The following CDH11 variants were observed in gnomAD, a reference collection of about 807,000 sequenced individuals.
CDH11 encodes the protein cadherin-11.
In CDH11, 11 loss-of-function variants were observed where a neutral mutation model predicts 67.8. The ratio of observed to expected loss-of-function variants is 0.16; its 90% CI spans 0.10 to 0.27. The LOEUF (loss-of-function observed/expected upper bound fraction) is 0.27. CDH11 is among the 10% of genes least tolerant of loss of function. The probability of loss-of-function intolerance (pLI) is 1.00; values close to 1 mark genes in which losing one functional copy is unlikely to be tolerated. For synonymous variants in CDH11, 419 were observed against 400.0 expected (o/e 1.05, Z -0.57); for missense variants, 847 against 1,031.2 (o/e 0.82, Z 2.45).
chr16:65,048,791 TAC>T (rs1224763572), intron 2 of CDH11, among the ~76,000 whole-genome samples: 3 of 151,952 alleles, frequency 2.0e-5, no homozygotes, highest in African/African-American at 7.3e-5. Context: ...AATATATATA[TAC>T]ACACACACAA....
At chr16:65,054,124 C>T (rs993307685) in intron 1 of CDH11, among the ~76,000 whole-genome samples, 196 bp from the exon 2 acceptor site, 1 of 152,120 alleles carries the variant, frequency 6.6e-6, no homozygotes, top group African/African-American at 2.4e-5. Context: ...TAAGTACCAC[C>T]GGATAGTGTG....
At chr16:64,999,077 T>TA in intron 3 of CDH11, among the ~76,000 whole-genome samples, 1 of 152,302 alleles carries the variant, frequency 6.6e-6, no homozygotes, top group South Asian at 2.1e-4. Context: ...AATATATATA[T>TA]TTTTAATTCT....
chr16:65,110,507 G>T (rs1025683995), intron 1 of CDH11, among the ~76,000 whole-genome samples: 1 of 152,060 alleles, frequency 6.6e-6, no homozygotes, highest in Non-Finnish European at 1.5e-5. Flanking sequence ...AGGCACCACG[G>T]TTGTCCCCGC....
intron 8 of CDH11, among the ~76,000 whole-genome samples, chr16:64,975,822 C>G (rs953426327): frequency 6.6e-6 from 1 of 152,008 alleles, no homozygotes; most frequent in African/African-American, 2.4e-5. Context: ...TAACCATTAA[C>G]TAACCTACAC....
chr16:64,970,993 T>G (rs966374492), intron 11 of CDH11, among the ~76,000 whole-genome samples: 6 of 152,252 alleles, frequency 3.9e-5, no homozygotes, highest in African/African-American at 1.4e-4. Flanking sequence ...TCTAATAATC[T>G]GCAAGTCTAG....
intron 2 of CDH11, among the ~76,000 whole-genome samples, chr16:65,035,356 C>T (rs1053378147): frequency 2.0e-5 from 3 of 152,146 alleles, no homozygotes; most frequent in African/African-American, 7.2e-5. Context: ...TAATTCAGCT[C>T]AAAGTAAGTT....
intron 1 of CDH11, among the ~76,000 whole-genome samples, chr16:65,120,320 A>C (rs139316469): frequency 3.7e-4 from 57 of 152,252 alleles, no homozygotes; most frequent in Middle Eastern, 3.4e-3. Context: ...CCCCATCCCC[A>C]GGAAATCCAG....
intron 2 of CDH11, among the ~76,000 whole-genome samples, chr16:65,048,293 T>C (rs1026366799): frequency 6.6e-6 from 1 of 152,174 alleles, no homozygotes; most frequent in South Asian, 2.1e-4. Context: ...ACACTGTTAG[T>C]ATGAATTCAA....
intron 6 of CDH11, among the ~76,000 whole-genome samples, chr16:64,988,799 T>C (rs963305919): frequency 2.0e-5 from 3 of 152,130 alleles, no homozygotes; most frequent in Admixed American, 1.3e-4. Context: ...AACAGCTCCA[T>C]AGTTACTTTA....
chr16:65,085,005 G>T (rs780928245), intron 1 of CDH11, among the ~76,000 whole-genome samples: 1 of 152,242 alleles, frequency 6.6e-6, no homozygotes, highest in Admixed American at 6.5e-5. Flanking sequence ...CACCTCCCAG[G>T]TTCAAGCAAT....
chr16:65,032,084 A>T (rs1044694443), intron 2 of CDH11, among the ~76,000 whole-genome samples: 17 of 152,190 alleles, frequency 1.1e-4, no homozygotes, highest in African/African-American at 4.1e-4. Context: ...GAATAAAGGC[A>T]AAGGAAAATA....
At chr16:65,012,171 A>T (rs896355665) in intron 2 of CDH11, among the ~76,000 whole-genome samples, 7 of 152,238 alleles carry the variant, frequency 4.6e-5, no homozygotes, top group Non-Finnish European at 7.3e-5. Flanking sequence ...ACTTCTACAG[A>T]CAAATTTGTA....
At chr16:65,032,276 C>T (rs2073658042) in intron 2 of CDH11, among the ~76,000 whole-genome samples, 1 of 147,390 alleles carries the variant, frequency 6.8e-6, no homozygotes, top group Non-Finnish European at 1.5e-5. Context: ...TGCTTGAACT[C>T]AGGAGTTCGA....
chr16:65,061,991 T>G (rs2074241913), intron 1 of CDH11, among the ~76,000 whole-genome samples: 1 of 152,182 alleles, frequency 6.6e-6, no homozygotes, highest in South Asian at 2.1e-4. Context: ...CACTCACCAG[T>G]GAAGCCAAGA....
At chr16:65,047,534 T>C (rs2073983901) in intron 2 of CDH11, among the ~76,000 whole-genome samples, 1 of 151,900 alleles carries the variant, frequency 6.6e-6, no homozygotes, top group African/African-American at 2.4e-5. Flanking sequence ...GTATTTTTAG[T>C]AGAGACGGGA....
In CDH11 at chr16:64,972,959, A is replaced by G. The variant is rs1597035392; in HGVS notation, c.1335T>C (p.Pro445=). 6.2e-7 allele frequency: 1 copy of G among 1,613,846 alleles called. No individual in the cohort carries two copies. The highest frequency in any genetic ancestry group is 1.1e-5 in the South Asian group (1 of 91,082). The change falls in exon 9 of 13, where the codon CCT becomes CCC. Residue 445 remains proline (P), a synonymous_variant. Coordinates refer to ENST00000268603, the MANE Select transcript of CDH11 (RefSeq NM_001797.4). ...PEDGFIKTTK[P]LDREETAWLN... The stretch of plus-strand genomic sequence containing the variant: ...GCCAGGCTGTTTCCTCTCTATCCAG[A>G]GGTTTTGTAGTTTTAATAAAACCAT...
At chr16:64,966,189 C>G (rs964783450) in intron 11 of CDH11, among the ~76,000 whole-genome samples, 1 of 151,738 alleles carries the variant, frequency 6.6e-6, no homozygotes, top group Non-Finnish European at 1.5e-5. Flanking sequence ...ATGCATGATA[C>G]AAAAATGAAG....
chr16:65,108,374 C>T (rs1459356222), intron 1 of CDH11, among the ~76,000 whole-genome samples: 1 of 152,174 alleles, frequency 6.6e-6, no homozygotes, highest in Admixed American at 6.5e-5. Context: ...CAAGCGTCCC[C>T]AGCTCTAACT....
intron 1 of CDH11, among the ~76,000 whole-genome samples, chr16:65,093,354 G>C (rs1417042279): frequency 6.6e-6 from 1 of 151,510 alleles, no homozygotes; most frequent in Non-Finnish European, 1.5e-5. Flanking sequence ...TGCAAACAAT[G>C]AGGCTAAAAA....
Sources: allele counts gnomAD v4.1 joint callset (sites outside exome capture counted in the v4.1 genomes callset), GRCh38; gene constraint gnomAD v4.1.1; transcripts MANE v1.5; gene names NCBI Gene and HGNC (gene_info 2026-07-23, HGNC 2026-07-21).